GOLIM4: variants seen among roughly 807,000 people sequenced by gnomAD.
GOLIM4 encodes the protein golgi integral membrane protein 4.
Under a neutral mutation model 107.4 loss-of-function variants are expected in GOLIM4, and 71 were observed. The observed-to-expected ratio is 0.66, with a 90% CI of 0.55 to 0.81. The LOEUF is 0.81. Ranked by LOEUF, GOLIM4 falls within the 30% of genes least tolerant of loss-of-function variation. The pLI, the probability that GOLIM4 is intolerant of heterozygous loss-of-function variation, is 0.00. For synonymous variants in GOLIM4, 327 were observed against 294.8 expected, an observed-to-expected ratio of 1.11 and a Z score of -1.12; for missense variants, 830 against 826.1, an observed-to-expected ratio of 1.00 and a Z score of -0.06.
chr3:168,033,634 A>C (rs1268097533), intron 8 of GOLIM4, among the ~76,000 whole-genome samples: 4 of 150,132 alleles, frequency 2.7e-5, no homozygotes, highest in African/African-American at 9.7e-5. Flanking sequence ...AAAAAAAAAA[A>C]AAAAAAAGAA....
At chr3:168,031,913 A>G (rs922984187) in intron 9 of GOLIM4, among the ~76,000 whole-genome samples, 61 of 152,366 alleles carry the variant, frequency 4.0e-4, no homozygotes, top group Middle Eastern at 3.4e-3. Flanking sequence ...CTTTTAAAGC[A>G]TCATTTATAA....
chr3:168,019,021 C>T (rs375273997), intron 14 of GOLIM4, among the ~76,000 whole-genome samples: 4 of 151,162 alleles, frequency 2.6e-5, no homozygotes, highest in African/African-American at 7.3e-5. Flanking sequence ...ATAGACAATA[C>T]GTAAACAAGC....
At chr3:168,033,794 T>C (rs1300145608) in intron 8 of GOLIM4, among the ~76,000 whole-genome samples, 34 of 152,098 alleles carry the variant, frequency 2.2e-4, no homozygotes, top group Admixed American at 2.2e-3. Flanking sequence ...TTGAAAACCC[T>C]GAGCAGAAAA....
intron 13 of GOLIM4, 113 bp from the exon 14 acceptor site, chr3:168,024,707 T>C: frequency 2.1e-6 from 2 of 935,866 alleles, no homozygotes; most frequent in Non-Finnish European, 3.5e-6. Flanking sequence ...TTTCAAAGCG[T>C]CTGTGGCCAG....
At chr3:168,031,157 G>C (rs1469281225) in intron 9 of GOLIM4, among the ~76,000 whole-genome samples, 1 of 152,162 alleles carries the variant, frequency 6.6e-6, no homozygotes, top group Non-Finnish European at 1.5e-5. Flanking sequence ...ATATTGATAA[G>C]ATAGAGTGGA....
intron 1 of GOLIM4, among the ~76,000 whole-genome samples, chr3:168,085,243 G>A (rs1391617849): frequency 2.0e-5 from 3 of 152,186 alleles, no homozygotes; most frequent in South Asian, 2.1e-4. Context: ...AGACAAAAGC[G>A]GAGGGTGTCT....
intron 1 of GOLIM4, among the ~76,000 whole-genome samples, chr3:168,060,324 T>C (rs536701265): frequency 6.6e-6 from 1 of 152,292 alleles, no homozygotes; most frequent in African/African-American, 2.4e-5. Context: ...GGAAACTAGT[T>C]CTGCAGTAAT....
At chr3:168,090,047 C>T (rs184428600) in intron 1 of GOLIM4, among the ~76,000 whole-genome samples, 13 of 152,208 alleles carry the variant, frequency 8.5e-5, no homozygotes, top group East Asian at 1.9e-4. Flanking sequence ...GGATTACAGG[C>T]GAGAGACAGG....
intron 7 of GOLIM4, 35 bp from the exon 8 acceptor site, chr3:168,037,029 TATGAATGCCCATTC>T: frequency 6.6e-7 from 1 of 1,520,292 alleles, no homozygotes; most frequent in East Asian, 2.3e-5. Flanking sequence ...GGAGGGAATC[TATGAATGCCCATTC>T]ATAGATGGGC....
chr3:168,046,806 CAAAA>C (rs10663226), intron 3 of GOLIM4, 140 bp downstream of exon 3: 27 of 371,470 alleles, frequency 7.3e-5, no homozygotes, highest in East Asian at 2.1e-4. Flanking sequence ...TTTTGGCAGC[CAAAA>C]AAAAAAAAAG....
intron 14 of GOLIM4, among the ~76,000 whole-genome samples, chr3:168,021,169 A>G (rs1375781497): frequency 1.3e-5 from 2 of 152,204 alleles, no homozygotes; most frequent in Admixed American, 1.3e-4. Context: ...GGCTTTGGCT[A>G]GATATCCTCT....
intron 14 of GOLIM4, among the ~76,000 whole-genome samples, chr3:168,013,507 C>A (rs1389567706): frequency 7.0e-6 from 1 of 142,188 alleles, no homozygotes; most frequent in Non-Finnish European, 1.5e-5. Flanking sequence ...CAAGGATACC[C>A]AGGAATTGAA....
chr3:168,021,369 A>G lies in GOLIM4; in HGVS notation c.1860+3157T>C, dbSNP rs1007968739. On this transcript the variant is annotated intron_variant, in intron 14 of 15. Transcript: ENST00000470487. ...TGCTTTAACAAGAGAGTTTCTTCCA[A>G]TCGAAAAGCTTCTTGGCCAGGCATG... Among the ~76,000 whole-genome samples, 14 of 152,264 alleles carry G rather than the reference A, an allele frequency of 9.2e-5. No individual in the cohort carries two copies. In the South Asian group the frequency reaches 2.7e-3, roughly 29 times the overall value.
chr3:168,065,570 T>A (rs888829162), intron 1 of GOLIM4, among the ~76,000 whole-genome samples: 2 of 152,238 alleles, frequency 1.3e-5, no homozygotes, highest in Admixed American at 6.5e-5. Flanking sequence ...AGTAAATGCA[T>A]ACAACTGCCA....
At chr3:168,022,734 T>C (rs1019059710) in intron 14 of GOLIM4, among the ~76,000 whole-genome samples, 2 of 152,194 alleles carry the variant, frequency 1.3e-5, no homozygotes, top group South Asian at 4.1e-4. Flanking sequence ...TAAGAGCACA[T>C]GGAGCAACAG....
intron 14 of GOLIM4, among the ~76,000 whole-genome samples, chr3:168,012,383 A>C (rs1457945996): frequency 1.4e-5 from 2 of 145,034 alleles, no homozygotes; most frequent in Non-Finnish European, 2.9e-5. Context: ...CAAATATGGG[A>C]CTATGTGAAA....
chr3:168,053,040 G>A (rs1719743797), intron 1 of GOLIM4, among the ~76,000 whole-genome samples: 2 of 152,210 alleles, frequency 1.3e-5, no homozygotes, highest in South Asian at 2.1e-4. Flanking sequence ...ACTTAAAAGG[G>A]GTTTAATATT....
In GOLIM4 at chr3:168,032,587, C is replaced by G; in HGVS notation, c.1109G>C (p.Arg370Pro). ...EHDPSPEEQD[R>P]EWKEQHEQRE... Reference sequence around the variant, plus strand: ...TTGCTCATGCTGCTCTTTCCACTCCCGATCCTGCTCCTCTGGTGATGGATC... The same window carrying G: ...TTGCTCATGCTGCTCTTTCCACTCCGGATCCTGCTCCTCTGGTGATGGATC... Residue 370 changes from arginine (R) to proline (P), a missense_variant, in exon 9 of 16, where the codon CGG becomes CCG. Physicochemically the swap from Arg to Pro is moderately radical, Grantham distance 103 (BLOSUM62 -2). Transcript: ENST00000470487. 2 of 1,614,084 alleles carry G rather than the reference C, an allele frequency of 1.2e-6. No individual in the cohort carries two copies. Among genetic ancestry groups the G allele is most frequent in the Non-Finnish European group, 1.7e-6 (2 of 1,180,010 alleles).
At position 168,036,827 on chromosome 3, in the gene GOLIM4, G is replaced by A. The variant is rs57109102; in HGVS notation, c.843+9C>T. 2.3e-3 allele frequency: 3,635 copies of A among 1,602,342 alleles called. 66 individuals are homozygous for A. The African/African-American group carries it at 0.043, about 19-fold the overall frequency. ...ACCTAACCATAGATTACCAGTTCAC[G>A]CCCCTTACCTCCTGCACCTCTCGGG... On this transcript the variant is annotated intron_variant, in intron 8 of 15. Coordinates refer to ENST00000470487, the MANE Select transcript of GOLIM4 (RefSeq NM_014498.5).
Sources: gnomAD v4.1 joint callset for allele counts (sites outside exome capture counted in the v4.1 genomes callset) on GRCh38, gnomAD v4.1.1 for gene constraint, MANE v1.5 for transcripts, NCBI Gene and HGNC (gene_info 2026-07-23, HGNC 2026-07-21) for gene names.